XIRP2: variants seen among roughly 807,000 people sequenced by gnomAD.
The protein encoded by XIRP2 is xin actin binding repeat containing 2, also known as xin actin-binding repeat-containing protein 2.
A neutral mutation model predicts 277.0 loss-of-function variants in XIRP2; 236 were observed. That is an observed-to-expected ratio of 0.85 (90% confidence interval 0.77 to 0.95). XIRP2 has a LOEUF of 0.95. XIRP2 is among the 40% of genes least tolerant of loss of function. The pLI is 0.00. For synonymous variants in XIRP2, 1,490 were observed against 1,416.5 expected (o/e 1.05, Z -1.17); for missense variants, 4,640 against 4,157.5 (o/e 1.12, Z -3.19).
At chr2:167,129,884 A>T (rs1448427470) in intron 2 of XIRP2, among the ~76,000 whole-genome samples, 4 of 151,630 alleles carry the variant, frequency 2.6e-5, no homozygotes, top group African/African-American at 9.7e-5. Context: ...AAAAAAAAAA[A>T]AGAAAAGAAA....
Position 167,071,778 on chromosome 2 carries a change from C to T in XIRP2, c.409-64131C>T, listed in dbSNP as rs148254041. Among the ~76,000 whole-genome samples the T allele has an allele frequency of 2.1e-3, 315 of 152,318 alleles. 1 individual carries two copies. Among genetic ancestry groups the T allele is most frequent in the Admixed American group, 4.2e-3 (64 of 15,286 alleles). On this transcript the variant is annotated intron_variant, in intron 2 of 10. Transcript: ENST00000409195. ...TGGCAGACCTTCTGTGCCAGGGCAG[C>T]TCTTGAGAATGCAGCACATGGCTGT... is the stretch of plus-strand genomic sequence containing the variant.
At chr2:166,898,292 G>A (rs1190175938) in intron 1 of XIRP2, among the ~76,000 whole-genome samples, 1 of 152,052 alleles carries the variant, frequency 6.6e-6, no homozygotes, top group African/African-American at 2.4e-5. Flanking sequence ...GGGTGCATTG[G>A]AACTGAGAGG....
rs1428494125 is a variant in XIRP2, at chr2:167,241,803, A to C, written c.1069A>C (p.Ile357Leu). 6.2e-7 allele frequency: 1 copy of C among 1,613,260 alleles called. No individual in the cohort carries two copies. The highest frequency in any genetic ancestry group is 1.7e-5 in the Admixed American group (1 of 59,896). ...TVIDTPEDEE[I>L]PKVSTKLLKE... Reference sequence around the variant, plus strand: ...CATTGATACACCTGAGGATGAAGAGATTCCAAAGGTTTCGACTAAGTTGTT... The same window carrying C: ...CATTGATACACCTGAGGATGAAGAGCTTCCAAAGGTTTCGACTAAGTTGTT... The change falls in exon 8 of 11, where the codon ATT becomes CTT. Residue 357 changes from isoleucine to leucine, a missense_variant. Physicochemically the swap from Ile to Leu is conservative, Grantham distance 5 (BLOSUM62 2). Transcript: ENST00000409195.
At chr2:167,240,629 A>G in intron 6 of XIRP2, 35 bp from the exon 7 acceptor site, 1 of 1,575,936 alleles carries the variant, frequency 6.3e-7, no homozygotes, top group African/African-American at 1.5e-5. Flanking sequence ...TGACTTCTTA[A>G]AAACAATTTA....
intron 3 of XIRP2, among the ~76,000 whole-genome samples, chr2:167,161,069 G>C (rs1692348822): frequency 6.6e-6 from 1 of 152,192 alleles, no homozygotes; most frequent in African/African-American, 2.4e-5. Context: ...GATCTCCTTT[G>C]ACTCCCTGTC....
chr2:166,984,109 C>A (rs904774957), intron 2 of XIRP2, among the ~76,000 whole-genome samples: 2 of 152,174 alleles, frequency 1.3e-5, no homozygotes, highest in African/African-American at 2.4e-5. Flanking sequence ...TCAACTCTTA[C>A]AATTCCCATT....
chr2:167,191,599 A>T (rs1693337621), intron 3 of XIRP2, among the ~76,000 whole-genome samples: 1 of 152,158 alleles, frequency 6.6e-6, no homozygotes, highest in East Asian at 1.9e-4. Flanking sequence ...CTGTCTGCAT[A>T]TTCTGTTAAA....
intron 3 of XIRP2, among the ~76,000 whole-genome samples, chr2:167,143,414 G>A (rs550342958): frequency 4.6e-5 from 7 of 152,048 alleles, no homozygotes; most frequent in Non-Finnish European, 7.4e-5. Flanking sequence ...GAGAAAGAAC[G>A]CATGTGTGAG....
intron 2 of XIRP2, among the ~76,000 whole-genome samples, chr2:166,938,089 T>C (rs913038128): frequency 5.3e-5 from 8 of 152,190 alleles, no homozygotes; most frequent in African/African-American, 1.9e-4. Flanking sequence ...TGTGTCTCTG[T>C]CTCCTTCAGT....
At chr2:167,179,980 A>G (rs1458620228) in intron 3 of XIRP2, among the ~76,000 whole-genome samples, 1 of 152,216 alleles carries the variant, frequency 6.6e-6, no homozygotes, top group Admixed American at 6.5e-5. Flanking sequence ...ATATGCCTCT[A>G]TATTCTTCAT....
intron 2 of XIRP2, among the ~76,000 whole-genome samples, chr2:167,065,447 T>C (rs749600805): frequency 1.3e-4 from 19 of 151,894 alleles, no homozygotes; most frequent in Non-Finnish European, 2.5e-4. Flanking sequence ...AAATATTTTC[T>C]CCCATTCTAG....
At chr2:167,088,981 C>T (rs370946198) in intron 2 of XIRP2, among the ~76,000 whole-genome samples, 1 of 152,088 alleles carries the variant, frequency 6.6e-6, no homozygotes, top group Non-Finnish European at 1.5e-5. Context: ...TTCCCTGTAC[C>T]TGGCATGTAA....
rs1477537241 is a variant in XIRP2, at chr2:166,908,901, A to G, written c.408+5011A>G. Among the ~76,000 whole-genome samples the G allele has an allele frequency of 4.6e-5, 7 of 152,232 alleles. 1 individual carries two copies. The highest frequency in any genetic ancestry group is 1.7e-4 in the African/African-American group (7 of 41,522). On this transcript the variant is annotated intron_variant, in intron 2 of 10. Transcript: ENST00000409195. ...CCTTTCCCCATTTCTTGTTTTTGTC[A>G]GGTTTGTCAAAGATCAGATGGTTGT...
Position 167,164,617 on chromosome 2 carries a change from A to G in XIRP2, c.562+28555A>G, listed in dbSNP as rs188516193. 3.5e-3 allele frequency among the ~76,000 whole-genome samples: 538 copies of G among 152,284 alleles called. 6 individuals carry two copies. Among genetic ancestry groups the G allele is most frequent in the South Asian group, 7.0e-3 (34 of 4,824 alleles). The stretch of plus-strand genomic sequence containing the variant: ...TGGTGTATCTTCTCTTTTACTGGCA[A>G]TAACTCAAATTTACTCCATGAATAT... On this transcript the variant is annotated intron_variant, in intron 3 of 10. Coordinates refer to ENST00000409195, the MANE Select transcript of XIRP2 (RefSeq NM_152381.6).
intron 3 of XIRP2, among the ~76,000 whole-genome samples, chr2:167,195,008 C>T (rs1443517693): frequency 6.6e-6 from 1 of 151,994 alleles, no homozygotes; most frequent in Admixed American, 6.6e-5. Flanking sequence ...ATATGTGACC[C>T]TATATGCTGA....
intron 2 of XIRP2, among the ~76,000 whole-genome samples, chr2:166,917,149 AAAG>A (rs1684906526): frequency 6.6e-6 from 1 of 152,218 alleles, no homozygotes; most frequent in Non-Finnish European, 1.5e-5. Context: ...AGCTTTGGGC[AAAG>A]AAGATTTTAT....
intron 2 of XIRP2, among the ~76,000 whole-genome samples, chr2:166,912,173 A>G (rs1324161927): frequency 6.6e-6 from 1 of 152,158 alleles, no homozygotes; most frequent in East Asian, 1.9e-4. Context: ...AGGTTGGGGA[A>G]GTTCTCCTGG....
At chr2:167,084,869 T>C (rs1558973713) in intron 2 of XIRP2, among the ~76,000 whole-genome samples, 3 of 151,782 alleles carry the variant, frequency 2.0e-5, no homozygotes, top group Admixed American at 6.6e-5. Context: ...TCTATCACTT[T>C]TGTTGATCCT....
intron 2 of XIRP2, among the ~76,000 whole-genome samples, chr2:167,104,377 T>C (rs1690561891): frequency 6.6e-6 from 1 of 152,118 alleles, no homozygotes; most frequent in Non-Finnish European, 1.5e-5. Flanking sequence ...ATCATAACAA[T>C]TTTATCCCAT....
Sources: gnomAD v4.1 joint callset for allele counts (sites outside exome capture counted in the v4.1 genomes callset) on GRCh38, gnomAD v4.1.1 for gene constraint, MANE v1.5 for transcripts, NCBI Gene and HGNC (gene_info 2026-07-23, HGNC 2026-07-21) for gene names.